Variants in MTTP observed in about 807,000 individuals in gnomAD.
MTTP encodes the protein microsomal triglyceride transfer protein large subunit.
MTTP carries 49 observed loss-of-function variants against 90.6 expected under a neutral mutation model. The observed-to-expected ratio is 0.54, with a 90% CI of 0.43 to 0.69. The LOEUF (loss-of-function observed/expected upper bound fraction) is 0.69, where lower values mean the gene tolerates loss of function less well. MTTP is among the 30% of genes least tolerant of loss of function. The pLI, the probability that MTTP is intolerant of heterozygous loss-of-function variation, is 0.00. For missense variants in MTTP, 945 were observed against 1,067.5 expected (o/e 0.89, Z 1.60); for synonymous variants, 347 against 384.2 (o/e 0.90, Z 1.13).
intron 3 of MTTP, 63 bp from the exon 4 acceptor site, chr4:99,589,580 A>T: frequency 1.1e-6 from 1 of 949,000 alleles, no homozygotes; most frequent in East Asian, 2.5e-5. Context: ...CCTGACACTT[A>T]TTTAAATCTG....
intron 8 of MTTP, 60 bp from the exon 9 acceptor site, chr4:99,600,505 A>C: frequency 6.6e-7 from 1 of 1,506,134 alleles, no homozygotes. Context: ...TGAATGGTAG[A>C]GATTTTTAAG....
At chr4:99,585,330 T>G (rs1725233462) in intron 3 of MTTP, among the ~76,000 whole-genome samples, 1 of 152,102 alleles carries the variant, frequency 6.6e-6, no homozygotes, top group African/African-American at 2.4e-5. Context: ...TAAGAAAAGT[T>G]AGGAAATTTG....
At chr4:99,607,003 A>AAT in intron 11 of MTTP, 43 bp downstream of exon 11, 3 of 1,547,224 alleles carry the variant, frequency 1.9e-6, no homozygotes, top group Non-Finnish European at 2.6e-6. Context: ...AGAAGAAAAA[A>AAT]AAAAAGCATG....
In MTTP at chr4:99,608,876, C is replaced by T. The variant is rs751421159; in HGVS notation, c.1668C>T (p.Asp556=). 21 of 1,613,948 alleles carry T rather than the reference C, an allele frequency of 1.3e-5. No individual in the cohort carries two copies. The East Asian group carries it at 2.5e-4, about 19-fold the overall frequency. ...TAAATAACAATCCATCCTACATGGA[C>T]GTCAAGAACATCCTGCTGTCTATTG... ...IILNNNPSYM[D]VKNILLSIGE... is the part of the protein sequence containing the mutation. The change falls in exon 12 of 18, where the codon GAC becomes GAT. Residue 556 remains aspartate, a synonymous_variant. Coordinates refer to ENST00000265517, the MANE Select transcript of MTTP (RefSeq NM_001386140.1).
intron 10 of MTTP, 30 bp from the exon 11 acceptor site, chr4:99,606,718 T>C (rs760319492): frequency 5.3e-5 from 84 of 1,585,772 alleles, no homozygotes; most frequent in Non-Finnish European, 6.9e-5. Context: ...TGTATGGTCA[T>C]GCATATATCT....
At chr4:99,603,971 C>T (rs1250151341) in intron 10 of MTTP, among the ~76,000 whole-genome samples, 3 of 152,254 alleles carry the variant, frequency 2.0e-5, no homozygotes, top group African/African-American at 7.2e-5. Context: ...CATCTACTAT[C>T]ACTGGCATTC....
chr4:99,597,274 A>G (rs1560619791), intron 8 of MTTP, 50 bp downstream of exon 8: 1 of 1,602,500 alleles, frequency 6.2e-7, no homozygotes, highest in Non-Finnish European at 8.5e-7. Context: ...ACATTTCTGG[A>G]TTGTTGGTTT....
At chr4:99,570,141 G>A (rs929714400), upstream of MTTP, among the ~76,000 whole-genome samples, 6 of 151,452 alleles carry the variant, frequency 4.0e-5, no homozygotes, top group Non-Finnish European at 8.9e-5. Flanking sequence ...TTTTATCTGG[G>A]GTCAATTTTT....
At chr4:99,581,148 T>C (rs1725101575) in intron 1 of MTTP, among the ~76,000 whole-genome samples, 1 of 152,220 alleles carries the variant, frequency 6.6e-6, no homozygotes, top group Non-Finnish European at 1.5e-5. Context: ...GGGAAAGACT[T>C]GCTCCTTGGC....
intron 8 of MTTP, among the ~76,000 whole-genome samples, chr4:99,599,022 A>C (rs1277638812): frequency 6.6e-6 from 1 of 152,158 alleles, no homozygotes; most frequent in East Asian, 1.9e-4. Context: ...TAAAATAGGG[A>C]TAATAATTCT....
chr4:99,580,964 C>T (rs1287103715), intron 1 of MTTP, among the ~76,000 whole-genome samples: 1 of 152,068 alleles, frequency 6.6e-6, no homozygotes, highest in Non-Finnish European at 1.5e-5. Flanking sequence ...ATGTATATTT[C>T]CTGAGAGAAA....
At chr4:99,566,052 G>T (rs1258940404) in intron 1 of MTTP, among the ~76,000 whole-genome samples, 1 of 152,120 alleles carries the variant, frequency 6.6e-6, no homozygotes, top group Non-Finnish European at 1.5e-5. Context: ...CACTTTGGGA[G>T]GCCTAGGCGG....
chr4:99,570,766 A>G (rs1477079919), upstream of MTTP: 1 of 455,830 alleles, frequency 2.2e-6, no homozygotes, highest in South Asian at 1.6e-5. Context: ...GGTCAGAGTG[A>G]TATGAAGTAA....
At chr4:99,621,524 G>A (rs1459502376) in intron 17 of MTTP, among the ~76,000 whole-genome samples, 1 of 152,100 alleles carries the variant, frequency 6.6e-6, no homozygotes, top group African/African-American at 2.4e-5. Flanking sequence ...CATAGGAGTT[G>A]CCACATAGTT....
intron 3 of MTTP, among the ~76,000 whole-genome samples, chr4:99,589,036 CATATATATGTTCATATATATATTCAT>C (rs1560616528): frequency 7.3e-4 from 1 of 1,376 alleles, no homozygotes; most frequent in African/African-American, 5.3e-3. Flanking sequence ...TATATACACA[CATATATATGTTCATATATATATTCAT>C]ATATATATAT....
At chr4:99,574,312 T>C (rs1578229738), upstream of MTTP, among the ~76,000 whole-genome samples, 1 of 152,350 alleles carries the variant, frequency 6.6e-6, no homozygotes, top group Non-Finnish European at 1.5e-5. Context: ...TACTTTAACA[T>C]TATTTTGAAG....
intron 8 of MTTP, among the ~76,000 whole-genome samples, chr4:99,597,473 C>G (rs1265021121): frequency 6.6e-6 from 1 of 152,130 alleles, no homozygotes; most frequent in East Asian, 1.9e-4. Flanking sequence ...GAGTTTAAAT[C>G]AGGACTAGAT....
intron 1 of MTTP, among the ~76,000 whole-genome samples, chr4:99,568,990 A>G (rs777933254): frequency 5.3e-5 from 8 of 152,186 alleles, no homozygotes; most frequent in Non-Finnish European, 1.2e-4. Flanking sequence ...TCCTCACTCC[A>G]TAAATGTGGG....
chr4:99,583,802 T>G, intron 3 of MTTP: 1 of 556,362 alleles, frequency 1.8e-6, no homozygotes, highest in East Asian at 2.9e-5. Flanking sequence ...GGTAAATTTC[T>G]CATCAAATTA....
Sources: allele counts gnomAD v4.1 joint callset (sites outside exome capture counted in the v4.1 genomes callset), GRCh38; gene constraint gnomAD v4.1.1; transcripts MANE v1.5; gene names NCBI Gene and HGNC (gene_info 2026-07-23, HGNC 2026-07-21).